RBM6: variants seen among roughly 807,000 people sequenced by gnomAD.
RBM6 encodes RNA-binding protein 6.
In RBM6, 23 loss-of-function variants were observed where a neutral mutation model predicts 140.4. The ratio of observed to expected loss-of-function variants is 0.16; its 90% CI spans 0.12 to 0.23. RBM6 has a LOEUF of 0.23. RBM6 is among the 10% of genes least tolerant of loss of function. RBM6 has a pLI of 1.00. For synonymous variants in RBM6, 439 were observed against 475.6 expected (o/e 0.92, Z 1.00); for missense variants, 1,139 against 1,386.7 (o/e 0.82, Z 2.84).
intron 5 of RBM6, among the ~76,000 whole-genome samples, chr3:49,984,585 GACATCACATCACATC>G (rs1223070354): frequency 1.4e-4 from 19 of 134,722 alleles, no homozygotes; most frequent in South Asian, 2.2e-4. Context: ...TGTCTAACGT[GACATCACATCACATC>G]ACATCACATC....
At chr3:49,976,786 G>A (rs1241963581) in intron 5 of RBM6, among the ~76,000 whole-genome samples, 1 of 152,148 alleles carries the variant, frequency 6.6e-6, no homozygotes, top group African/African-American at 2.4e-5. Context: ...TTAACATATA[G>A]TGTCTAGAGA....
intron 6 of RBM6, among the ~76,000 whole-genome samples, chr3:50,023,644 A>G (rs184109547): frequency 1.4e-5 from 2 of 147,952 alleles, no homozygotes; most frequent in East Asian, 4.0e-4. Context: ...TCACAAATAA[A>G]ATGTTTGGTG....
At chr3:49,985,999 A>G (rs2085538507) in intron 5 of RBM6, among the ~76,000 whole-genome samples, 1 of 151,040 alleles carries the variant, frequency 6.6e-6, no homozygotes, top group South Asian at 2.1e-4. Flanking sequence ...TATTATTATT[A>G]TTTTGAGATG....
intron 1 of RBM6, among the ~76,000 whole-genome samples, chr3:49,951,395 A>ATGTG (rs111957480): frequency 7.6e-4 from 114 of 149,732 alleles, no homozygotes; most frequent in African/African-American, 2.6e-3. Context: ...GTGTGTGTAT[A>ATGTG]TGTGTGTGTG....
At chr3:49,942,496 CA>C (rs34097467) in intron 1 of RBM6, among the ~76,000 whole-genome samples, 9,617 of 100,000 alleles carry the variant, frequency 0.096, 294 homozygotes, top group South Asian at 0.1. Context: ...GACTCCATCT[CA>C]AAAAAAAAAA....
At chr3:50,065,810 G>C (rs979418917) in intron 16 of RBM6, among the ~76,000 whole-genome samples, 1 of 152,138 alleles carries the variant, frequency 6.6e-6, no homozygotes, top group Non-Finnish European at 1.5e-5. Flanking sequence ...ATGTGAGCTG[G>C]ATCTGTCTAC....
intron 7 of RBM6, among the ~76,000 whole-genome samples, chr3:50,052,986 G>GGT (rs57244510): frequency 0.023 from 3,112 of 134,706 alleles, 38 homozygotes; most frequent in South Asian, 0.042. Flanking sequence ...AGTGGGCAGG[G>GGT]GTGTGTGTGT....
chr3:50,038,298 T>G (rs986814577), intron 6 of RBM6, among the ~76,000 whole-genome samples: 5 of 152,126 alleles, frequency 3.3e-5, no homozygotes, highest in Admixed American at 3.3e-4. Flanking sequence ...TGCCATTAAG[T>G]TTTTAAGAAA....
intron 9 of RBM6, 119 bp from the exon 10 acceptor site, chr3:50,058,283 T>A (rs79942754): frequency 8.4e-7 from 1 of 1,197,034 alleles, no homozygotes; most frequent in Non-Finnish European, 1.2e-6. Context: ...AGCATTTTTT[T>A]ACAGAACCAG....
At chr3:49,990,066 A>G (rs893653587) in intron 5 of RBM6, among the ~76,000 whole-genome samples, 14 of 152,152 alleles carry the variant, frequency 9.2e-5, no homozygotes, top group Non-Finnish European at 1.8e-4. Context: ...AATTTCTAAA[A>G]CTATGGAGTA....
At chr3:50,028,693 G>C (rs1310011163) in intron 6 of RBM6, among the ~76,000 whole-genome samples, 1 of 152,180 alleles carries the variant, frequency 6.6e-6, no homozygotes, top group African/African-American at 2.4e-5. Flanking sequence ...TAGATTGAAA[G>C]GTCCATGAAA....
At chr3:49,952,689 G>T (rs2083793771) in intron 1 of RBM6, among the ~76,000 whole-genome samples, 1 of 151,704 alleles carries the variant, frequency 6.6e-6, no homozygotes, top group African/African-American at 2.4e-5. Flanking sequence ...GTAGAGACAG[G>T]GTTTCTCCAT....
At chr3:49,965,076 T>C (rs908853791) in intron 2 of RBM6, among the ~76,000 whole-genome samples, 1 of 152,226 alleles carries the variant, frequency 6.6e-6, no homozygotes, top group African/African-American at 2.4e-5. Context: ...TAACTACTGA[T>C]ATTTTATATT....
chr3:49,951,366 C>A (rs1317550498), intron 1 of RBM6, among the ~76,000 whole-genome samples: 2 of 151,410 alleles, frequency 1.3e-5, no homozygotes, highest in South Asian at 2.1e-4. Flanking sequence ...ATGTGTTCCA[C>A]CTTGTCCGGC....
chr3:50,046,598 AAAAG>A (rs1459066754), intron 6 of RBM6, among the ~76,000 whole-genome samples: 3 of 151,830 alleles, frequency 2.0e-5, no homozygotes, highest in African/African-American at 7.3e-5. Context: ...AAAAAAAAAA[AAAAG>A]GAGGGGGCGC....
intron 8 of RBM6, among the ~76,000 whole-genome samples, chr3:50,056,324 T>C (rs1054982887): frequency 6.6e-6 from 1 of 151,938 alleles, no homozygotes; most frequent in Non-Finnish European, 1.5e-5. Context: ...AGACGGAGTC[T>C]TGCTCTGTCA....
chr3:49,967,942 T>A lies in RBM6; in HGVS notation c.517T>A (p.Ser173Thr), dbSNP rs1390065251. Reference sequence around the variant, plus strand: ...CTTCAGAGGTAGGGATGCTCCTCCATCTGACTTCAGGGGCCGGGGCACTTA... The same window carrying A: ...CTTCAGAGGTAGGGATGCTCCTCCAACTGACTTCAGGGGCCGGGGCACTTA... ...VDFRGRDAPP[S>T]DFRGRGTYDL... The change falls in exon 3 of 21, where the codon TCT becomes ACT. Residue 173 changes from serine to threonine, a missense_variant. Ser to Thr is a moderately conservative substitution (Grantham distance 58). Around this residue, in one of 9 missense-constraint regions of RBM6, gnomAD observed 566 missense variants for 612.7 expected, o/e 0.92. Transcript: ENST00000266022. The surrounding 1 kb of genome is among the most constrained non-coding windows in gnomAD (Gnocchi z 4.0). 10 of 1,614,166 alleles carry A rather than the reference T, an allele frequency of 6.2e-6. No individual in the cohort carries two copies. The highest frequency in any genetic ancestry group is 8.5e-6 in the Non-Finnish European group (10 of 1,180,032).
intron 1 of RBM6, among the ~76,000 whole-genome samples, chr3:49,957,835 CT>C (rs367565471): frequency 1.2e-3 from 172 of 143,420 alleles, no homozygotes; most frequent in Admixed American, 2.1e-3. Flanking sequence ...ATCTTTCTTT[CT>C]TTTTTTTTTT....
intron 6 of RBM6, among the ~76,000 whole-genome samples, chr3:50,013,651 C>T (rs1471653769): frequency 2.6e-5 from 4 of 152,170 alleles, no homozygotes; most frequent in Admixed American, 6.5e-5. Context: ...CTGGCGACAG[C>T]GAGGCTCTGT....
Sources: allele counts gnomAD v4.1 joint callset (sites outside exome capture counted in the v4.1 genomes callset), GRCh38; gene constraint gnomAD v4.1.1; regional missense constraint gnomAD v4.1.1; non-coding constraint Gnocchi (gnomAD v3.1); transcripts MANE v1.5; gene names NCBI Gene and HGNC (gene_info 2026-07-23, HGNC 2026-07-21).